SNTG1: variants seen among roughly 807,000 people sequenced by gnomAD.
The protein encoded by SNTG1 is gamma-1-syntrophin.
In SNTG1, 39 loss-of-function variants were observed where a neutral mutation model predicts 74.7. The ratio of observed to expected loss-of-function variants is 0.52; its 90% CI spans 0.40 to 0.68. The LOEUF (loss-of-function observed/expected upper bound fraction) is 0.68, where lower values mean the gene tolerates loss of function less well. Among genes scored for constraint, SNTG1 ranks in the 30% least tolerant of loss-of-function variants. The probability of loss-of-function intolerance (pLI) is 0.00; values close to 1 mark genes in which losing one functional copy is unlikely to be tolerated. For synonymous variants in SNTG1, 254 were observed against 217.1 expected, an observed-to-expected ratio of 1.17 and a Z score of -1.49; for missense variants, 685 against 609.5, an observed-to-expected ratio of 1.12 and a Z score of -1.30.
At chr8:50,314,927 C>A (rs1266059665) in intron 2 of SNTG1, among the ~76,000 whole-genome samples, 1 of 149,514 alleles carries the variant, frequency 6.7e-6, no homozygotes, top group African/African-American at 2.5e-5. Flanking sequence ...GAGAGCAAGA[C>A]AATGTGTTAC....
intron 12 of SNTG1, among the ~76,000 whole-genome samples, chr8:50,564,921 G>A (rs1172015109): frequency 6.6e-6 from 1 of 152,020 alleles, no homozygotes; most frequent in Non-Finnish European, 1.5e-5. Flanking sequence ...CGTTAAGAAG[G>A]GAAAGTGGAA....
At chr8:50,299,752 C>T (rs1031541041) in intron 2 of SNTG1, among the ~76,000 whole-genome samples, 2 of 151,884 alleles carry the variant, frequency 1.3e-5, no homozygotes, top group Non-Finnish European at 2.9e-5. Context: ...TTGGGATCTC[C>T]GTTAGAACTA....
chr8:49,932,682 T>C (rs566613057), intron 1 of SNTG1, among the ~76,000 whole-genome samples: 8 of 152,258 alleles, frequency 5.3e-5, no homozygotes, highest in African/African-American at 1.7e-4. Flanking sequence ...TTTAGTCTAT[T>C]TACAAGGTTG....
chr8:50,116,977 G>A (rs569997042), intron 1 of SNTG1, among the ~76,000 whole-genome samples: 2 of 152,194 alleles, frequency 1.3e-5, no homozygotes, highest in Middle Eastern at 3.4e-3. Flanking sequence ...AAGCTTCTGA[G>A]TACTTAGATT....
chr8:50,436,223 TTTACAGA>T (rs2093301155), intron 4 of SNTG1, among the ~76,000 whole-genome samples: 2 of 152,172 alleles, frequency 1.3e-5, no homozygotes, highest in Non-Finnish European at 2.9e-5. Context: ...ATATTTACTT[TTTACAGA>T]AAAGGAAAAA....
chr8:49,964,891 G>T (rs1563404130), intron 1 of SNTG1, among the ~76,000 whole-genome samples: 1 of 151,972 alleles, frequency 6.6e-6, no homozygotes, highest in Non-Finnish European at 1.5e-5. Flanking sequence ...TTCTATAATT[G>T]ATAGCCATGT....
intron 12 of SNTG1, among the ~76,000 whole-genome samples, chr8:50,572,834 T>C (rs2094556670): frequency 2.0e-5 from 3 of 152,138 alleles, no homozygotes; most frequent in African/African-American, 2.4e-5. Context: ...ATTTGTTAAA[T>C]AGCATTGGCC....
At chr8:49,951,423 GA>G (rs1809687166) in intron 1 of SNTG1, among the ~76,000 whole-genome samples, 1 of 152,108 alleles carries the variant, frequency 6.6e-6, no homozygotes, top group Non-Finnish European at 1.5e-5. Context: ...AGAGAATGTA[GA>G]CACTGAGACG....
chr8:50,156,281 C>G (rs2082252013), intron 1 of SNTG1, among the ~76,000 whole-genome samples: 2 of 152,118 alleles, frequency 1.3e-5, no homozygotes, highest in African/African-American at 4.8e-5. Context: ...TGTACGAAAT[C>G]AGTATGGCCC....
chr8:50,032,261 T>C (rs938880470), intron 1 of SNTG1, among the ~76,000 whole-genome samples: 16 of 152,190 alleles, frequency 1.1e-4, no homozygotes, highest in South Asian at 6.2e-4. Context: ...TTATTGCTTT[T>C]TTCTTTTCTT....
At chr8:49,913,709 G>C (rs1805776605) in intron 1 of SNTG1, among the ~76,000 whole-genome samples, 2 of 152,152 alleles carry the variant, frequency 1.3e-5, no homozygotes, top group Non-Finnish European at 2.9e-5. Context: ...TTTTTCCTCA[G>C]TGGGAGAGGT....
chr8:50,432,291 G>T (rs536119152), intron 4 of SNTG1, among the ~76,000 whole-genome samples: 1 of 150,964 alleles, frequency 6.6e-6, no homozygotes, highest in African/African-American at 2.4e-5. Flanking sequence ...CTATTGAATT[G>T]TTTTTATTCT....
intron 15 of SNTG1, among the ~76,000 whole-genome samples, chr8:50,692,096 C>T (rs2095382879): frequency 6.6e-6 from 1 of 152,192 alleles, no homozygotes; most frequent in African/African-American, 2.4e-5. Flanking sequence ...GTTTTCAGCT[C>T]CATCAGGTTC....
chr8:50,499,699 G>A (rs1162512663), intron 8 of SNTG1, among the ~76,000 whole-genome samples: 2 of 151,504 alleles, frequency 1.3e-5, no homozygotes, highest in Admixed American at 1.3e-4. Flanking sequence ...GCCAGTTTGA[G>A]GAAGTTCCGT....
chr8:50,139,317 T>G (rs977262760), intron 1 of SNTG1, among the ~76,000 whole-genome samples: 18 of 152,336 alleles, frequency 1.2e-4, no homozygotes, highest in African/African-American at 4.3e-4. Flanking sequence ...ACATGCAATT[T>G]TTTACTCTAA....
chr8:50,054,843 T>C (rs1819887511), intron 1 of SNTG1, among the ~76,000 whole-genome samples: 1 of 152,064 alleles, frequency 6.6e-6, no homozygotes, highest in Non-Finnish European at 1.5e-5. Context: ...AGCTAATTTC[T>C]TATTGTTATT....
At chr8:50,699,633 G>A (rs532085224) in intron 15 of SNTG1, among the ~76,000 whole-genome samples, 1 of 152,228 alleles carries the variant, frequency 6.6e-6, no homozygotes, top group African/African-American at 2.4e-5. Context: ...TGCAACTGAT[G>A]AGTTCTTGAT....
At chr8:50,175,149 C>T (rs1018899584) in intron 2 of SNTG1, among the ~76,000 whole-genome samples, 4 of 151,966 alleles carry the variant, frequency 2.6e-5, no homozygotes, top group African/African-American at 4.8e-5. Flanking sequence ...TCGTTGCTAT[C>T]GTGAATAGTG....
chr8:50,531,687 C>T (rs533087000), intron 10 of SNTG1, among the ~76,000 whole-genome samples: 2 of 152,252 alleles, frequency 1.3e-5, no homozygotes, highest in African/African-American at 2.4e-5. Context: ...CACCACATGC[C>T]CTGCTTCCAT....
Sources: allele counts gnomAD v4.1 joint callset (sites outside exome capture counted in the v4.1 genomes callset), GRCh38; gene constraint gnomAD v4.1.1; transcripts MANE v1.5; gene names NCBI Gene and HGNC (gene_info 2026-07-23, HGNC 2026-07-21).